The following HDAC4 variants were observed in gnomAD, a reference collection of about 807,000 sequenced individuals.
HDAC4 encodes the protein histone deacetylase 4.
In HDAC4, 16 loss-of-function variants were observed where a neutral mutation model predicts 135.1. That is an observed-to-expected ratio of 0.12 (90% CI 0.08 to 0.18). The LOEUF is 0.18. HDAC4 is among the 10% of genes least tolerant of loss of function. The probability of loss-of-function intolerance (pLI) is 1.00; values close to 1 mark genes in which losing one functional copy is unlikely to be tolerated. For synonymous variants in HDAC4, 685 were observed against 653.4 expected, an observed-to-expected ratio of 1.05 and a Z score of -0.74; for missense variants, 1,143 against 1,511.8, an observed-to-expected ratio of 0.76 and a Z score of 4.05.
rs762526213 is a variant in HDAC4, at chr2:239,331,430, G to A, written c.22+21248C>T. Among the ~76,000 whole-genome samples the A allele has an allele frequency of 9.9e-5, 15 of 152,144 alleles. No individual in the cohort carries two copies. The highest frequency in any genetic ancestry group is 1.6e-4 in the Non-Finnish European group (11 of 68,024). On this transcript the variant is annotated intron_variant, in intron 2 of 26. Coordinates refer to ENST00000543185, the MANE Select transcript of HDAC4 (RefSeq NM_001378414.1). The surrounding 1 kb of genome is among the most constrained non-coding windows in gnomAD (Gnocchi z 4.5). Reference sequence around the variant, plus strand: ...AAATATCTGAATAAAAGTGCTATAAGAGCTGCTCAAGGCTGCAGATATATT... The same window carrying A: ...AAATATCTGAATAAAAGTGCTATAAAAGCTGCTCAAGGCTGCAGATATATT...
chr2:239,391,368 C>A (rs959952400), intron 1 of HDAC4, among the ~76,000 whole-genome samples: 1 of 152,212 alleles, frequency 6.6e-6, no homozygotes, highest in African/African-American at 2.4e-5. Context: ...GTCCACCACA[C>A]CACGACCTGC....
intron 1 of HDAC4, among the ~76,000 whole-genome samples, chr2:239,360,743 C>T (rs1693812013): frequency 6.6e-6 from 1 of 152,194 alleles, no homozygotes; most frequent in Non-Finnish European, 1.5e-5. Context: ...GGAGCGGGGA[C>T]ACCCGAGCTC....
At chr2:239,265,446 A>G (rs1396630458) in intron 2 of HDAC4, among the ~76,000 whole-genome samples, 1 of 152,188 alleles carries the variant, frequency 6.6e-6, no homozygotes, top group Non-Finnish European at 1.5e-5. Flanking sequence ...TCCAAAATCA[A>G]AGAAAAACCC....
chr2:239,230,368 CAAA>C (rs56105562), intron 3 of HDAC4, among the ~76,000 whole-genome samples: 225 of 79,348 alleles, frequency 2.8e-3, no homozygotes, highest in Non-Finnish European at 3.7e-3. Context: ...AGCAAGCAAG[CAAA>C]AAAAAAAAAA....
chr2:239,139,637 G>T lies in HDAC4; in HGVS notation c.978+47C>A. 2 of 1,528,396 alleles carry T rather than the reference G, an allele frequency of 1.3e-6. No individual in the cohort carries two copies. The highest frequency in any genetic ancestry group is 9.1e-7 in the Non-Finnish European group (1 of 1,101,874). 94.7% of individuals were successfully genotyped at this position (1,528,396 alleles called of 1,614,324 possible). The stretch of plus-strand genomic sequence containing the variant: ...GGGTCATTTCAAGCTCATCCGTCCC[G>T]AGTCCGACTCTAGCCGTAGGACACA... On this transcript the variant is annotated intron_variant, in intron 9 of 26. Transcript: ENST00000543185. This position sits in a 1 kb window ranked among gnomAD's most constrained non-coding sequence, Gnocchi z 5.3.
chr2:239,216,314 A>AG (rs1225123065), intron 3 of HDAC4, among the ~76,000 whole-genome samples: 1 of 151,934 alleles, frequency 6.6e-6, no homozygotes, highest in Non-Finnish European at 1.5e-5. Context: ...ATCTTCCCAG[A>AG]GAAAAAAAAA....
At chr2:239,280,160 A>C (rs2050621293) in intron 2 of HDAC4, among the ~76,000 whole-genome samples, 2 of 151,932 alleles carry the variant, frequency 1.3e-5, no homozygotes, top group Non-Finnish European at 2.9e-5. Context: ...ACCCTGAAAA[A>C]CATGTTGGTC....
chr2:239,239,399 C>T (rs1393547282), intron 2 of HDAC4, among the ~76,000 whole-genome samples: 1 of 152,148 alleles, frequency 6.6e-6, no homozygotes, highest in Non-Finnish European at 1.5e-5. Flanking sequence ...TGTGTCAGTA[C>T]CACTGGGGTC....
chr2:239,354,829 A>G (rs569583478), intron 1 of HDAC4, among the ~76,000 whole-genome samples: 20 of 152,298 alleles, frequency 1.3e-4, no homozygotes, highest in East Asian at 9.7e-4. Flanking sequence ...CATTTTCTTG[A>G]AGGGAATGTA....
chr2:239,321,252 T>C (rs2053298072), intron 2 of HDAC4, among the ~76,000 whole-genome samples: 1 of 151,974 alleles, frequency 6.6e-6, no homozygotes, highest in Non-Finnish European at 1.5e-5. Context: ...GATCACGAGG[T>C]CAGGAGATCG....
chr2:239,164,114 C>T (rs188109023), intron 5 of HDAC4, among the ~76,000 whole-genome samples, 191 bp from the exon 6 acceptor site: 91 of 152,294 alleles, frequency 6.0e-4, no homozygotes, highest in African/African-American at 2.1e-3. Flanking sequence ...TTCTTCCCAT[C>T]AAGATTTTAC....
chr2:239,106,686 CG>C (rs58179782), intron 15 of HDAC4, among the ~76,000 whole-genome samples: 16,370 of 152,166 alleles, frequency 0.11, 1,360 homozygotes, highest in African/African-American at 0.23. Context: ...GTAAAGGAAA[CG>C]GGGGGTAAGA....
intron 24 of HDAC4, among the ~76,000 whole-genome samples, chr2:239,066,478 C>T (rs1403316634): frequency 1.3e-5 from 2 of 152,260 alleles, no homozygotes; most frequent in Admixed American, 6.5e-5. Context: ...GGACCCTGAG[C>T]CATCTTCTCA....
At chr2:239,222,433 C>T (rs2047008786) in intron 3 of HDAC4, among the ~76,000 whole-genome samples, 1 of 150,034 alleles carries the variant, frequency 6.7e-6, no homozygotes, top group Admixed American at 6.7e-5. Flanking sequence ...TGAGCAAGAG[C>T]TGAAAATAAA....
chr2:239,118,723 C>A (rs2039366313), intron 12 of HDAC4, among the ~76,000 whole-genome samples: 1 of 152,184 alleles, frequency 6.6e-6, no homozygotes, highest in South Asian at 2.1e-4. Context: ...ATACATGCGA[C>A]TGTTTCCGGT....
At chr2:239,253,995 C>A (rs1250620527) in intron 2 of HDAC4, among the ~76,000 whole-genome samples, 2 of 152,104 alleles carry the variant, frequency 1.3e-5, no homozygotes, top group South Asian at 4.1e-4. Flanking sequence ...ACCCACCAGG[C>A]CTGGGAAGCA....
intron 22 of HDAC4, among the ~76,000 whole-genome samples, chr2:239,079,919 G>A (rs1274368904): frequency 6.6e-6 from 1 of 152,076 alleles, no homozygotes; most frequent in East Asian, 1.9e-4. Flanking sequence ...TATACTGCAT[G>A]CACACAGACA....
intron 2 of HDAC4, among the ~76,000 whole-genome samples, chr2:239,258,560 C>A (rs919230348): frequency 2.6e-5 from 4 of 152,166 alleles, no homozygotes; most frequent in Non-Finnish European, 5.9e-5. Context: ...AAACTAGAAT[C>A]CTCTAACCAG....
intron 14 of HDAC4, 24 bp from the exon 15 acceptor site, chr2:239,108,207 G>A: frequency 1.3e-6 from 2 of 1,585,258 alleles, no homozygotes; most frequent in Non-Finnish European, 1.7e-6. Context: ...GAGGGGCCAA[G>A]ATCAGCGCAC....
Sources: gnomAD v4.1 joint callset for allele counts (sites outside exome capture counted in the v4.1 genomes callset) on GRCh38, gnomAD v4.1.1 for gene constraint, Gnocchi (gnomAD v3.1) non-coding constraint, MANE v1.5 for transcripts, NCBI Gene and HGNC (gene_info 2026-07-23, HGNC 2026-07-21) for gene names.